The following FAM3B variants were observed in gnomAD, a reference collection of about 807,000 sequenced individuals.
FAM3B encodes the protein protein FAM3B.
In FAM3B, 29 loss-of-function variants were observed where a neutral mutation model predicts 28.4. The observed-to-expected ratio is 1.02, with a 90% confidence interval of 0.76 to 1.39. The LOEUF (loss-of-function observed/expected upper bound fraction) is 1.39. Ranked by LOEUF, FAM3B falls within the 40% of genes most tolerant of loss-of-function variation. The probability of loss-of-function intolerance (pLI) is 0.00; values close to 1 mark genes in which losing one functional copy is unlikely to be tolerated. For missense variants in FAM3B, 266 were observed against 293.9 expected (o/e 0.91, Z 0.69); for synonymous variants, 91 against 103.0 (o/e 0.88, Z 0.71).
In FAM3B at chr21:41,357,530, C is replaced by A; in HGVS notation, c.*333C>A. The A allele has an allele frequency of 5.6e-6, 1 of 178,102 alleles. No individual in the cohort carries two copies. Among genetic ancestry groups the A allele is most frequent in the South Asian group, 1.2e-4 (1 of 8,444 alleles). The allele number at this position is 178,102 out of a possible 1,614,324, so 11.0% of individuals were successfully genotyped here. ...GATCGAAGTGTGACCCCTGTGTGGTCCAGACAGCCCTGCAGAGAGAAAACC... is the reference window on the plus strand; with the variant it reads ...GATCGAAGTGTGACCCCTGTGTGGTACAGACAGCCCTGCAGAGAGAAAACC... On this transcript the variant is annotated 3_prime_UTR_variant, in exon 8 of 8. Transcript: ENST00000357985.
At chr21:41,346,928 T>C (rs1161838338) in intron 5 of FAM3B, 85 bp from the exon 6 acceptor site, 1 of 1,150,800 alleles carries the variant, frequency 8.7e-7, no homozygotes, top group Non-Finnish European at 1.3e-6. Context: ...GGACACAGAA[T>C]GCAGGTGCAG....
chr21:41,335,872 G>A (rs949272441), intron 2 of FAM3B, among the ~76,000 whole-genome samples: 1 of 152,174 alleles, frequency 6.6e-6, no homozygotes, highest in African/African-American at 2.4e-5. Context: ...TGGATATTTT[G>A]TTGCTGCTGG....
intron 3 of FAM3B, 70 bp downstream of exon 3, chr21:41,338,571 A>C (rs1227683201): frequency 6.3e-7 from 1 of 1,589,582 alleles, no homozygotes; most frequent in South Asian, 1.1e-5. Context: ...GAGGCTGACC[A>C]AGCAGCAGTT....
intron 3 of FAM3B, 94 bp from the exon 4 acceptor site, chr21:41,344,382 C>A: frequency 1.8e-6 from 2 of 1,133,798 alleles, no homozygotes; most frequent in South Asian, 1.3e-5. Context: ...TGGGGGACAG[C>A]AGATGAGACT....
At chr21:41,349,198 C>T (rs959051852) in intron 7 of FAM3B, among the ~76,000 whole-genome samples, 7 of 152,200 alleles carry the variant, frequency 4.6e-5, no homozygotes, top group Non-Finnish European at 1.0e-4. Flanking sequence ...CCCTTTATGG[C>T]CTTTATTTAT....
intron 2 of FAM3B, 61 bp downstream of exon 2, chr21:41,323,127 G>C: frequency 2.5e-6 from 4 of 1,584,218 alleles, no homozygotes; most frequent in Non-Finnish European, 3.4e-6. Flanking sequence ...GGGAGGAGTG[G>C]TGGTTTCTGT....
chr21:41,338,237 C>A, intron 2 of FAM3B, 141 bp from the exon 3 acceptor site: 1 of 894,698 alleles, frequency 1.1e-6, no homozygotes, highest in Non-Finnish European at 1.7e-6. Flanking sequence ...TCAGTGAAGT[C>A]TGGAAACCCT....
At chr21:41,357,082 A>G (rs1245857761) in intron 7 of FAM3B, 26 bp from the exon 8 acceptor site, 2 of 1,545,292 alleles carry the variant, frequency 1.3e-6, no homozygotes, top group Non-Finnish European at 1.8e-6. Flanking sequence ...TAATGAATAA[A>G]TAAAACTCTT....
chr21:41,324,544 A>G (rs1167819685), intron 2 of FAM3B, among the ~76,000 whole-genome samples: 5 of 152,216 alleles, frequency 3.3e-5, no homozygotes, highest in Admixed American at 1.3e-4. Context: ...CCTGGTTTCA[A>G]TCTTATTTTA....
At chr21:41,335,142 A>G (rs757790460) in intron 2 of FAM3B, among the ~76,000 whole-genome samples, 3 of 152,154 alleles carry the variant, frequency 2.0e-5, no homozygotes, top group Non-Finnish European at 4.4e-5. Flanking sequence ...ACAGGCTTGT[A>G]GGTGGAAGAG....
rs202154015 is a variant in FAM3B at position 41,347,009 on chromosome 21, A to G, written c.398-4A>G. On this transcript the variant is annotated splice_polypyrimidine_tract_variant and splice_region_variant and intron_variant, in intron 5 of 7. Coordinates refer to ENST00000357985, the MANE Select transcript of FAM3B (RefSeq NM_058186.4). ...CCCTAAAACTGACTTGCATCCCCCA[A>G]TAGATAACTCTGGACCGATGACAAA... 806 of 1,613,784 alleles carry G rather than the reference A, an allele frequency of 5.0e-4. 1 individual carries two copies. The highest frequency in any genetic ancestry group is 9.2e-4 in the Admixed American group (55 of 59,982).
At chr21:41,305,331 G>A (rs906395597) in intron 1 of FAM3B, among the ~76,000 whole-genome samples, 6 of 152,200 alleles carry the variant, frequency 3.9e-5, no homozygotes, top group Non-Finnish European at 8.8e-5. Flanking sequence ...GCAGTCCCAT[G>A]CCAGCCCAAA....
upstream of FAM3B, among the ~76,000 whole-genome samples, chr21:41,314,492 G>GA (rs1458874476): frequency 7.2e-5 from 11 of 152,240 alleles, no homozygotes; most frequent in Admixed American, 3.3e-4. Flanking sequence ...AATCTAGAGG[G>GA]AAAAATGTAC....
At chr21:41,316,960 GTCGCTCCCCAACCC>G in intron 1 of FAM3B, 62 bp downstream of exon 1, 1 of 1,256,120 alleles carries the variant, frequency 8.0e-7, no homozygotes, top group South Asian at 2.8e-5. Context: ...CAGGGGAAGC[GTCGCTCCCCAACCC>G]TGCCTGGGAC....
chr21:41,347,099 A>G lies in FAM3B; in HGVS notation c.484A>G (p.Arg162Gly). ...GGTGACCTATGACGACGGAAGCACA[A>G]GGTGAGTGGGTGTAGGTCTGTCACA... ...FMVTYDDGST[R>G]LNNDAKNAIE... is the part of the protein sequence containing the mutation. The change falls in exon 6 of 8, where the codon AGA becomes GGA. Residue 162 changes from arginine (R) to glycine (G), a missense_variant and splice_region_variant. Arg to Gly is a moderately radical substitution (Grantham distance 125). Coordinates refer to ENST00000357985, the MANE Select transcript of FAM3B (RefSeq NM_058186.4). 1.2e-6 allele frequency: 2 copies of G among 1,614,084 alleles called. No homozygotes were observed. The highest frequency in any genetic ancestry group is 1.7e-6 in the Non-Finnish European group (2 of 1,179,938).
At chr21:41,332,051 T>A (rs2088910955) in intron 2 of FAM3B, among the ~76,000 whole-genome samples, 1 of 152,202 alleles carries the variant, frequency 6.6e-6, no homozygotes, top group Non-Finnish European at 1.5e-5. Flanking sequence ...GGGAGGTATT[T>A]GGATGATGAG....
At chr21:41,338,925 A>T (rs1472204860) in intron 3 of FAM3B, among the ~76,000 whole-genome samples, 1 of 152,204 alleles carries the variant, frequency 6.6e-6, no homozygotes, top group Non-Finnish European at 1.5e-5. Flanking sequence ...GAACAAAGTT[A>T]GACTACTTTA....
chr21:41,329,998 A>T (rs184610068), intron 2 of FAM3B, among the ~76,000 whole-genome samples: 5 of 152,236 alleles, frequency 3.3e-5, no homozygotes, highest in Admixed American at 3.3e-4. Context: ...CCACATTCAC[A>T]TAACTTTATT....
chr21:41,305,997 A>G (rs2088680874), intron 1 of FAM3B, among the ~76,000 whole-genome samples: 1 of 152,244 alleles, frequency 6.6e-6, no homozygotes, highest in Admixed American at 6.5e-5. Flanking sequence ...CCACTACTCT[A>G]TCAACGAAGT....
Sources: gnomAD v4.1 joint callset for allele counts (sites outside exome capture counted in the v4.1 genomes callset) on GRCh38, gnomAD v4.1.1 for gene constraint, MANE v1.5 for transcripts, NCBI Gene and HGNC (gene_info 2026-07-23, HGNC 2026-07-21) for gene names.